FAM3D: variants seen among roughly 807,000 people sequenced by gnomAD.
FAM3D encodes the protein protein FAM3D.
FAM3D carries 26 observed loss-of-function variants against 29.8 expected under a neutral mutation model. The ratio of observed to expected loss-of-function variants is 0.87; its 90% confidence interval spans 0.64 to 1.21. FAM3D has a LOEUF of 1.21. Ranked by LOEUF, FAM3D falls within the 50% of genes most tolerant of loss-of-function variation. The pLI, the probability that FAM3D is intolerant of heterozygous loss-of-function variation, is 0.00. For synonymous variants in FAM3D, 115 were observed against 102.3 expected (o/e 1.12, Z -0.75); for missense variants, 253 against 290.9 (o/e 0.87, Z 0.95).
chr3:58,665,338 G>A (rs376975140), intron 1 of FAM3D, among the ~76,000 whole-genome samples: 1 of 151,616 alleles, frequency 6.6e-6, no homozygotes, highest in African/African-American at 2.4e-5. Flanking sequence ...CTTTCCTCCT[G>A]TTCCCCCTTC....
Position 58,653,636 on chromosome 3 carries a change from G to A in FAM3D, c.121+38C>T, listed in dbSNP as rs2066709306. The A allele has an allele frequency of 2.5e-6, 4 of 1,577,592 alleles. No homozygotes were observed. In the South Asian group the frequency reaches 4.4e-5, roughly 17 times the overall value. On this transcript the variant is annotated intron_variant, in intron 3 of 9. Coordinates refer to ENST00000358781, the MANE Select transcript of FAM3D (RefSeq NM_138805.3). ...AATATGTCTTCGGCCCCCAGGCCTG[G>A]TCTGCAGTTCCTGCCCCCAGCAGTG...
rs368973392 is a variant in FAM3D, at chr3:58,645,540, C to T, written c.232G>A (p.Val78Met). Residue 78 changes from valine to methionine, a missense_variant, in exon 5 of 10, where the codon GTG becomes ATG. Val to Met is a conservative substitution (Grantham distance 21). Coordinates refer to ENST00000358781, the MANE Select transcript of FAM3D (RefSeq NM_138805.3). ...TCTTCAAAGCACATAGTAGGGCCCA[C>T]GACGTTGGCGGCCCCACTGCAGATT... The part of the protein sequence containing the change: ...FKICSGAANV[V>M]GPTMCFEDRM... The T allele has an allele frequency of 2.1e-5, 34 of 1,614,046 alleles. No individual in the cohort carries two copies. The highest frequency in any genetic ancestry group is 1.6e-4 in the South Asian group (15 of 91,078).
At chr3:58,663,050 C>G (rs550886022) in intron 1 of FAM3D, among the ~76,000 whole-genome samples, 1 of 152,360 alleles carries the variant, frequency 6.6e-6, no homozygotes, top group Non-Finnish European at 1.5e-5. Flanking sequence ...AGGCATCCGC[C>G]CCCATGCCCA....
chr3:58,666,091 T>C (rs919158006), intron 1 of FAM3D, among the ~76,000 whole-genome samples: 1 of 152,250 alleles, frequency 6.6e-6, no homozygotes, highest in Admixed American at 6.5e-5. Flanking sequence ...CATTCCTTTC[T>C]TTTTTATTCA....
At chr3:58,644,789 C>A (rs931546213) in intron 5 of FAM3D, among the ~76,000 whole-genome samples, 1 of 152,148 alleles carries the variant, frequency 6.6e-6, no homozygotes, top group Non-Finnish European at 1.5e-5. Context: ...AAAAGCAAAG[C>A]TATTAGACAG....
intron 4 of FAM3D, among the ~76,000 whole-genome samples, chr3:58,648,306 G>T (rs370344545): frequency 6.6e-6 from 1 of 152,148 alleles, no homozygotes; most frequent in Admixed American, 6.5e-5. Context: ...GGGCACCCAT[G>T]TCCTTCTTAG....
intron 1 of FAM3D, among the ~76,000 whole-genome samples, chr3:58,658,701 A>C (rs1216626518): frequency 6.6e-6 from 1 of 152,154 alleles, no homozygotes. Flanking sequence ...AGAGCTTTGC[A>C]ATTTCCCTGT....
At position 58,643,684 on chromosome 3, in the gene FAM3D, G is replaced by A. The variant is rs751551923; in HGVS notation, c.300C>T (p.Gly100=). ...CACCATTCACCAGGGCGATGTTTAG[G>A]CCTCTGCCCACATTGTTTTTCACAG... ...MSPVKNNVGR[G]LNIALVNGTT... The change falls in exon 6 of 10, where the codon GGC becomes GGT. Residue 100 remains glycine (G), a synonymous_variant. Transcript: ENST00000358781. 2 of 1,613,798 alleles carry A rather than the reference G, an allele frequency of 1.2e-6. No homozygotes were observed. The highest frequency in any genetic ancestry group is 2.2e-5 in the South Asian group (2 of 91,056).
intron 6 of FAM3D, 114 bp from the exon 7 acceptor site, chr3:58,640,291 T>C: frequency 1.6e-6 from 2 of 1,226,580 alleles, no homozygotes; most frequent in Non-Finnish European, 2.4e-6. Flanking sequence ...AAGAATCTAA[T>C]GAAATCAGGT....
chr3:58,648,928 G>C (rs1485971386), intron 4 of FAM3D, among the ~76,000 whole-genome samples: 1 of 152,194 alleles, frequency 6.6e-6, no homozygotes, highest in African/African-American at 2.4e-5. Context: ...CAGGAACCCT[G>C]AGCCAAGCCT....
intron 1 of FAM3D, among the ~76,000 whole-genome samples, chr3:58,656,599 G>C (rs767867269): frequency 6.6e-6 from 1 of 152,186 alleles, no homozygotes; most frequent in Non-Finnish European, 1.5e-5. Flanking sequence ...TAGAGGACAG[G>C]AGGTCTTTGG....
At chr3:58,651,170 T>G (rs1027792942) in intron 3 of FAM3D, among the ~76,000 whole-genome samples, 1 of 152,188 alleles carries the variant, frequency 6.6e-6, no homozygotes, top group East Asian at 1.9e-4. Flanking sequence ...CACTTATCAC[T>G]TTATACTCCA....
Position 58,634,342 on chromosome 3 carries a change from G to A in FAM3D, c.612C>T (p.Asn204=). 1 of 1,614,048 alleles carries A rather than the reference G, an allele frequency of 6.2e-7. No homozygotes were observed. The highest frequency in any genetic ancestry group is 8.5e-7 in the Non-Finnish European group (1 of 1,180,012). Reference sequence around the variant, plus strand: ...GCAGCTCTGGCCATCCCTCGTATTTGTTTGTGTCTGGGCTGTTCTTTAAGA... The same window carrying A: ...GCAGCTCTGGCCATCCCTCGTATTTATTTGTGTCTGGGCTGTTCTTTAAGA... ...EQFLKNSPDT[N]KYEGWPELLE... The change falls in exon 10 of 10, where the codon AAC becomes AAT. Residue 204 remains asparagine (N), a synonymous_variant. Coordinates refer to ENST00000358781, the MANE Select transcript of FAM3D (RefSeq NM_138805.3). The surrounding 1 kb of genome is among the most constrained non-coding windows in gnomAD (Gnocchi z 4.6).
Position 58,637,162 on chromosome 3 carries a change from G to T in FAM3D, c.437C>A (p.Ser146Tyr), listed in dbSNP as rs868026101. Reference sequence around the variant, plus strand: ...TTACTTGGTCCCTGGATCGTCGTAGGAGGCCACCAGCACCAGTGCACCCCC... The same window carrying T: ...TTACTTGGTCCCTGGATCGTCGTAGTAGGCCACCAGCACCAGTGCACCCCC... Reference protein sequence around the residue: ...IPGGALVLVASYDDPGTKMND... With the variant: ...IPGGALVLVAYYDDPGTKMND... Residue 146 changes from serine to tyrosine, a missense_variant, in exon 8 of 10, where the codon TCC (serine) becomes TAC (tyrosine). Ser to Tyr is a moderately radical substitution (Grantham distance 144). Transcript: ENST00000358781. The T allele has an allele frequency of 6.2e-7, 1 of 1,614,028 alleles. No homozygotes were observed. Among genetic ancestry groups the T allele is most frequent in the Non-Finnish European group, 8.5e-7 (1 of 1,179,980 alleles).
chr3:58,658,002 T>A (rs117953333), intron 1 of FAM3D, among the ~76,000 whole-genome samples: 1 of 152,078 alleles, frequency 6.6e-6, no homozygotes, highest in Non-Finnish European at 1.5e-5. Context: ...AGGGGTGGTG[T>A]ATGTGCAAGT....
intron 5 of FAM3D, 80 bp downstream of exon 5, chr3:58,645,429 C>T: frequency 2.6e-6 from 3 of 1,157,308 alleles, no homozygotes; most frequent in Admixed American, 5.4e-5. Context: ...CCAGCCCCTG[C>T]AGCCTCTGAG....
At chr3:58,655,180 G>A (rs1350124519) in intron 2 of FAM3D, among the ~76,000 whole-genome samples, 1 of 152,158 alleles carries the variant, frequency 6.6e-6, no homozygotes, top group Admixed American at 6.5e-5. Flanking sequence ...CTGTACAAAG[G>A]GGGATACAGT....
chr3:58,643,628 G>A, intron 6 of FAM3D, 34 bp downstream of exon 6: 1 of 1,609,144 alleles, frequency 6.2e-7, no homozygotes, highest in Non-Finnish European at 8.5e-7. Context: ...CTGGTTCTGG[G>A]TGGGAACTGT....
intron 3 of FAM3D, among the ~76,000 whole-genome samples, chr3:58,652,556 C>T (rs1395511019): frequency 6.7e-6 from 1 of 149,600 alleles, no homozygotes; most frequent in East Asian, 1.9e-4. Flanking sequence ...CTTCTCCACC[C>T]ACTCATCCAT....
Sources: gnomAD v4.1 joint callset for allele counts (sites outside exome capture counted in the v4.1 genomes callset) on GRCh38, gnomAD v4.1.1 for gene constraint, Gnocchi (gnomAD v3.1) non-coding constraint, MANE v1.5 for transcripts, NCBI Gene and HGNC (gene_info 2026-07-23, HGNC 2026-07-21) for gene names.